Variants in USP34 observed in about 807,000 individuals in gnomAD.
USP34 encodes the protein ubiquitin specific peptidase 34, also known as ubiquitin carboxyl-terminal hydrolase 34.
USP34 carries 70 observed loss-of-function variants against 460.3 expected under a neutral mutation model. The observed-to-expected ratio is 0.15, with a 90% CI of 0.13 to 0.19. The LOEUF (loss-of-function observed/expected upper bound fraction) is 0.19, where lower values mean the gene tolerates loss of function less well. Ranked by LOEUF, USP34 falls within the 10% of genes least tolerant of loss-of-function variation. The probability of loss-of-function intolerance (pLI) is 1.00; values close to 1 mark genes in which losing one functional copy is unlikely to be tolerated. For synonymous variants in USP34, 1,647 were observed against 1,405.3 expected, an observed-to-expected ratio of 1.17 and a Z score of -3.85; for missense variants, 3,985 against 4,236.2, an observed-to-expected ratio of 0.94 and a Z score of 1.65.
intron 51 of USP34, among the ~76,000 whole-genome samples, chr2:61,242,569 T>C (rs1031269274): frequency 1.3e-5 from 2 of 150,218 alleles, no homozygotes; most frequent in African/African-American, 4.9e-5. Flanking sequence ...AGAATTTGAA[T>C]AAGAAAGAAA....
In USP34 at chr2:61,330,333, G is replaced by A. The variant is rs955405417; in HGVS notation, c.2930+943C>T. Among the ~76,000 whole-genome samples, 3 of 152,068 alleles carry A rather than the reference G, an allele frequency of 2.0e-5. No individual in the cohort carries two copies. In the South Asian group the frequency reaches 6.2e-4, roughly 32 times the overall value. On this transcript the variant is annotated intron_variant, in intron 20 of 79. Coordinates refer to ENST00000398571, the MANE Select transcript of USP34 (RefSeq NM_014709.4). ...TTTTCTCATCGTCATCATTATTCATGTTTGGAAATAAGAGTACAAAAATGC... is the reference window on the plus strand; with the variant it reads ...TTTTCTCATCGTCATCATTATTCATATTTGGAAATAAGAGTACAAAAATGC...
chr2:61,409,328 T>C (rs569928475), intron 2 of USP34, among the ~76,000 whole-genome samples: 1 of 151,798 alleles, frequency 6.6e-6, no homozygotes, highest in South Asian at 2.1e-4. Context: ...AGGCAGATCA[T>C]TTACTAAAAA....
chr2:61,190,712 A>G (rs1572820651), intron 76 of USP34, 54 bp from the exon 77 acceptor site: 1 of 1,554,752 alleles, frequency 6.4e-7, no homozygotes, highest in Middle Eastern at 2.1e-4. Flanking sequence ...GAAAAAACTT[A>G]CACGGAAAAA....
intron 41 of USP34, among the ~76,000 whole-genome samples, chr2:61,266,531 A>T (rs1689051632): frequency 6.6e-6 from 1 of 152,198 alleles, no homozygotes; most frequent in Non-Finnish European, 1.5e-5. Context: ...CTCTACTAAT[A>T]AATAATAGCA....
chr2:61,249,815 A>G (rs1688526228), intron 48 of USP34: 1 of 155,108 alleles, frequency 6.4e-6, no homozygotes, highest in African/African-American at 2.4e-5. Flanking sequence ...AGTGACATGG[A>G]AAAAGTACTA....
intron 53 of USP34, among the ~76,000 whole-genome samples, chr2:61,240,936 T>C (rs1688238548): frequency 6.6e-6 from 1 of 152,196 alleles, no homozygotes; most frequent in African/African-American, 2.4e-5. Flanking sequence ...GTCTGTATCA[T>C]GAGACACAAC....
chr2:61,327,261 T>C lies in USP34; in HGVS notation c.2931-1804A>G, dbSNP rs542123568. 1.2e-3 allele frequency among the ~76,000 whole-genome samples: 177 copies of C among 152,342 alleles called. 1 individual carries two copies. Among genetic ancestry groups the C allele is most frequent in the African/African-American group, 4.0e-3 (167 of 41,586 alleles). ...GCTGCTCTTTAGGGTCTCTTATTAATGCTGGCAAAGAAAAGATTAACTTTT... is the reference window on the plus strand; with the variant it reads ...GCTGCTCTTTAGGGTCTCTTATTAACGCTGGCAAAGAAAAGATTAACTTTT... On this transcript the variant is annotated intron_variant, in intron 20 of 79. Transcript: ENST00000398571.
intron 10 of USP34, among the ~76,000 whole-genome samples, chr2:61,365,397 T>C (rs1256821764): frequency 6.6e-6 from 1 of 151,578 alleles, no homozygotes; most frequent in Non-Finnish European, 1.5e-5. Flanking sequence ...AAAACCCTCA[T>C]GGGATCAATG....
At chr2:61,359,789 T>G (rs146797029) in intron 10 of USP34, among the ~76,000 whole-genome samples, 3,914 of 144,968 alleles carry the variant, frequency 0.027, 183 homozygotes, top group African/African-American at 0.095. Context: ...GTTTTTTTTT[T>G]TTTTTTTTTT....
At chr2:61,406,235 T>C in intron 2 of USP34, 107 bp from the exon 3 acceptor site, 1 of 1,061,022 alleles carries the variant, frequency 9.4e-7, no homozygotes. Context: ...TAGACTTGTT[T>C]TTATTTTTTC....
chr2:61,401,477 G>C (rs1055103408), intron 3 of USP34, among the ~76,000 whole-genome samples: 1 of 150,610 alleles, frequency 6.6e-6, no homozygotes, highest in African/African-American at 2.4e-5. Flanking sequence ...GCCTCAAGTG[G>C]TCCTCTTGTC....
chr2:61,254,194 A>G (rs1397614598), intron 48 of USP34, among the ~76,000 whole-genome samples: 4 of 152,234 alleles, frequency 2.6e-5, no homozygotes, highest in Admixed American at 1.3e-4. Context: ...TCTGTGAATT[A>G]TATTAATTGA....
intron 69 of USP34, among the ~76,000 whole-genome samples, chr2:61,211,063 T>A (rs1372997134): frequency 6.6e-6 from 1 of 152,298 alleles, no homozygotes; most frequent in Non-Finnish European, 1.5e-5. Context: ...TTTCCCTGTT[T>A]ACTAATGAAG....
At chr2:61,314,351 C>G (rs1177433494) in intron 25 of USP34, among the ~76,000 whole-genome samples, 1 of 152,042 alleles carries the variant, frequency 6.6e-6, no homozygotes, top group African/African-American at 2.4e-5. Flanking sequence ...CATATCTGCT[C>G]AAACTCTATT....
rs745749840 is a variant in USP34, at chr2:61,241,624, C to T, written c.6713G>A (p.Arg2238His). The change falls in exon 53 of 80, where the codon CGC (arginine) becomes CAC (histidine). Residue 2238 changes from arginine (R) to histidine (H), a missense_variant. Physicochemically the swap from Arg to His is conservative, Grantham distance 29. This residue lies in a region of USP34 where 604 missense variants were observed against 684.8 expected (regional missense o/e 0.88). Coordinates refer to ENST00000398571, the MANE Select transcript of USP34 (RefSeq NM_014709.4). ...GCCATTTTCTTCCTCTGGTTCCATGCGTTTGTAAAACAGCATATATGCACT... is the reference window on the plus strand; with the variant it reads ...GCCATTTTCTTCCTCTGGTTCCATGTGTTTGTAAAACAGCATATATGCACT... Reference protein sequence around the residue: ...THSAYMLFYKRMEPEEENGRE... With the variant: ...THSAYMLFYKHMEPEEENGRE... 1.1e-5 allele frequency: 18 copies of T among 1,608,736 alleles called. No individual in the cohort carries two copies. Among genetic ancestry groups the T allele is most frequent in the South Asian group, 1.0e-4 (9 of 89,868 alleles).
intron 48 of USP34, among the ~76,000 whole-genome samples, chr2:61,253,323 G>C (rs1688636229): frequency 6.6e-6 from 1 of 152,166 alleles, no homozygotes; most frequent in Non-Finnish European, 1.5e-5. Context: ...ATTCTCCAAA[G>C]AACTTGACTC....
chr2:61,408,904 A>C (rs960847280), intron 2 of USP34, among the ~76,000 whole-genome samples: 4 of 151,924 alleles, frequency 2.6e-5, no homozygotes, highest in Non-Finnish European at 5.9e-5. Flanking sequence ...TCAAAAAAAC[A>C]AACAAAAACA....
At chr2:61,443,897 C>T (rs563230271) in intron 1 of USP34, among the ~76,000 whole-genome samples, 10 of 152,110 alleles carry the variant, frequency 6.6e-5, no homozygotes, top group South Asian at 2.1e-4. Flanking sequence ...GAGGAGGCTT[C>T]GTGTGTGGGG....
intron 8 of USP34, among the ~76,000 whole-genome samples, chr2:61,377,167 T>C (rs894801610): frequency 3.3e-5 from 5 of 152,166 alleles, no homozygotes; most frequent in Admixed American, 6.5e-5. Context: ...ATAAGAACTC[T>C]TTAGCCTGAA....
Sources: gnomAD v4.1 joint callset for allele counts (sites outside exome capture counted in the v4.1 genomes callset) on GRCh38, gnomAD v4.1.1 for gene constraint, gnomAD v4.1.1 regional missense constraint, MANE v1.5 for transcripts, NCBI Gene and HGNC (gene_info 2026-07-23, HGNC 2026-07-21) for gene names.